Variants in PCDHGB5 observed in about 807,000 individuals in gnomAD.
PCDHGB5 encodes the protein protocadherin gamma subfamily B, 5.
In PCDHGB5, 48 loss-of-function variants were observed where a neutral mutation model predicts 62.9. The ratio of observed to expected loss-of-function variants is 0.76; its 90% CI spans 0.61 to 0.97. The LOEUF (loss-of-function observed/expected upper bound fraction) is 0.97. Ranked by LOEUF, PCDHGB5 falls within the 50% of genes least tolerant of loss-of-function variation. PCDHGB5 has a pLI of 0.00. For missense variants in PCDHGB5, 1,118 were observed against 1,198.6 expected, an observed-to-expected ratio of 0.93 and a Z score of 0.99; for synonymous variants, 474 against 511.2, an observed-to-expected ratio of 0.93 and a Z score of 0.98.
chr5:141,510,825 G>C, intron 3 of PCDHGB5, 122 bp from the exon 4 acceptor site: 2 of 1,566,486 alleles, frequency 1.3e-6, no homozygotes, highest in Non-Finnish European at 1.7e-6. Flanking sequence ...TATATTCCCA[G>C]TGCTCAGCGT....
chr5:141,447,388 T>C (rs1302757515), intron 1 of PCDHGB5, among the ~76,000 whole-genome samples: 3 of 152,166 alleles, frequency 2.0e-5, no homozygotes, highest in African/African-American at 7.2e-5. Flanking sequence ...TCTGCCCACC[T>C]CGGCCTCCCA....
At position 141,400,524 on chromosome 5, in the gene PCDHGB5, GGTGA is replaced by G. The variant is rs1307110266; in HGVS notation, c.2397+3_2397+6del. ...GCGAGTCGACTTCCCATCCTGAGTT[GGTGA>G]GTTTCATTTATGTCTATTCTTTTTC... On this transcript the variant is annotated splice_donor_variant and splice_donor_region_variant and intron_variant, in intron 1 of 3. Transcript: ENST00000617380. LOFTEE classifies it high-confidence loss of function. 2 of 1,613,920 alleles carry G rather than the reference GGTGA, an allele frequency of 1.2e-6. No individual in the cohort carries two copies. Among genetic ancestry groups the G allele is most frequent in the Admixed American group, 3.3e-5 (2 of 60,016 alleles).
In PCDHGB5 at chr5:141,421,851, T is replaced by A. The variant is rs771169063; in HGVS notation, c.2397+21327T>A. 16 of 1,613,596 alleles carry A rather than the reference T, an allele frequency of 9.9e-6. No homozygotes were observed. The Middle Eastern group carries it at 4.9e-4, about 50-fold the overall frequency. On this transcript the variant is annotated intron_variant, in intron 1 of 3. Coordinates refer to ENST00000617380, the MANE Select transcript of PCDHGB5 (RefSeq NM_018925.3). ...GCCTGGACCGAGAGAAAGAGGCTGC[T>A]CACCTGCTCCTCCTCACAGCTTTAG...
chr5:141,468,899 T>C (rs1051519139), intron 1 of PCDHGB5, among the ~76,000 whole-genome samples: 2 of 151,550 alleles, frequency 1.3e-5, no homozygotes, highest in Non-Finnish European at 2.9e-5. Flanking sequence ...GGTACTAATA[T>C]GATCCAGACT....
rs751177252 is a variant in PCDHGB5 at position 141,415,407 on chromosome 5, T to G, written c.2397+14883T>G. The G allele has an allele frequency of 1.9e-6, 3 of 1,614,086 alleles. No homozygotes were observed. The African/African-American group carries it at 4.0e-5, about 22-fold the overall frequency. ...TGACAGGTGTGTCCGGCTCGCACTTTGTGGGCGTGGACGGGGTTCGGGCTT... is the reference window on the plus strand; with the variant it reads ...TGACAGGTGTGTCCGGCTCGCACTTGGTGGGCGTGGACGGGGTTCGGGCTT... On this transcript the variant is annotated intron_variant, in intron 1 of 3. Transcript: ENST00000617380.
intron 1 of PCDHGB5, chr5:141,417,493 G>A (rs1463793261): frequency 4.7e-6 from 1 of 214,978 alleles, no homozygotes; most frequent in East Asian, 1.1e-4. Context: ...GAATCACTGA[G>A]GAAAAAGATT....
At chr5:141,423,090 G>T in intron 1 of PCDHGB5, 5 of 1,614,022 alleles carry the variant, frequency 3.1e-6, no homozygotes, top group South Asian at 2.2e-5. Context: ...TCGCGGTGGG[G>T]GAGCACACGG....
At chr5:141,506,563 C>T (rs925780739) in intron 3 of PCDHGB5, among the ~76,000 whole-genome samples, 2 of 152,062 alleles carry the variant, frequency 1.3e-5, no homozygotes, top group Non-Finnish European at 2.9e-5. Context: ...TAAACCCCCT[C>T]GGTTTCACTT....
chr5:141,455,833 G>A (rs999291826), intron 1 of PCDHGB5, among the ~76,000 whole-genome samples: 1 of 151,468 alleles, frequency 6.6e-6, no homozygotes, highest in Admixed American at 6.6e-5. Flanking sequence ...CCCTTTTCCT[G>A]TCTATCTGCA....
intron 1 of PCDHGB5, among the ~76,000 whole-genome samples, chr5:141,446,545 C>T (rs903831454): frequency 4.6e-5 from 7 of 151,914 alleles, no homozygotes; most frequent in African/African-American, 1.7e-4. Context: ...GGCCCTATCT[C>T]TGCTCACTGC....
intron 1 of PCDHGB5, among the ~76,000 whole-genome samples, chr5:141,462,877 T>G (rs1387501705): frequency 1.3e-5 from 2 of 152,240 alleles, no homozygotes; most frequent in African/African-American, 4.8e-5. Flanking sequence ...CTTTAAGAAC[T>G]ATTGCAGTTT....
At chr5:141,404,114 G>C (rs2094486353) in intron 1 of PCDHGB5, 4 of 1,613,348 alleles carry the variant, frequency 2.5e-6, no homozygotes, top group Non-Finnish European at 3.4e-6. Context: ...TTCTATCCAG[G>C]AGAATCTATC....
In PCDHGB5 at chr5:141,417,676, C is replaced by G. The variant is rs902104404; in HGVS notation, c.2397+17152C>G. The G allele has an allele frequency of 1.7e-5, 17 of 993,450 alleles. No individual in the cohort carries two copies. The African/African-American group carries it at 2.8e-4, about 16-fold the overall frequency. The allele number at this position is 993,450 out of a possible 1,614,324, so 61.5% of individuals were successfully genotyped here. ...AGCCTGGGATTCCCTGCGCAGCCAACAACAGAAAAGAAAACCAGCTCCCAC... is the reference window on the plus strand; with the variant it reads ...AGCCTGGGATTCCCTGCGCAGCCAAGAACAGAAAAGAAAACCAGCTCCCAC... On this transcript the variant is annotated intron_variant, in intron 1 of 3. Transcript: ENST00000617380.
Position 141,400,262 on chromosome 5 carries a change from G to A in PCDHGB5, c.2135G>A (p.Arg712Gln). The change falls in exon 1 of 4, where the codon CGA becomes CAA. Residue 712 changes from arginine to glutamine, a missense_variant. By Grantham distance (43) the Arg-to-Gln change is conservative. Around this residue, in one of 2 missense-constraint regions of PCDHGB5, gnomAD observed 1,034 missense variants for 1,029.1 expected, o/e 1.00. Transcript: ENST00000617380. ...AVILAVALRLRRSSSPAAWSC... is the reference protein window; with the variant it reads ...AVILAVALRLQRSSSPAAWSC... ...ATTCTGGCCGTTGCCTTGCGCCTGC[G>A]ACGCTCCTCCAGCCCTGCCGCCTGG... is the stretch of plus-strand genomic sequence containing the variant. 6.2e-7 allele frequency: 1 copy of A among 1,614,032 alleles called. No homozygotes were observed. Among genetic ancestry groups the A allele is most frequent in the Non-Finnish European group, 8.5e-7 (1 of 1,179,902 alleles).
chr5:141,423,759 G>C, intron 1 of PCDHGB5: 1 of 321,042 alleles, frequency 3.1e-6, no homozygotes, highest in Non-Finnish European at 4.5e-6. Flanking sequence ...TTGGGGGGGG[G>C]GTGGGGCGGC....
At chr5:141,409,545 A>G in intron 1 of PCDHGB5, 1 of 1,613,938 alleles carries the variant, frequency 6.2e-7, no homozygotes, top group African/African-American at 1.3e-5. Flanking sequence ...ATCAACGACA[A>G]CGCCCCAGTT....
intron 1 of PCDHGB5, chr5:141,415,909 C>T: frequency 2.6e-6 from 2 of 761,032 alleles, no homozygotes; most frequent in Non-Finnish European, 3.7e-6. Context: ...GACTTCCATA[C>T]AGAAGTGCCT....
chr5:141,435,929 G>A (rs926025053), intron 1 of PCDHGB5, among the ~76,000 whole-genome samples: 10 of 152,134 alleles, frequency 6.6e-5, no homozygotes, highest in African/African-American at 2.4e-4. Flanking sequence ...TGCGGCAGTT[G>A]CTGCTTCTGA....
At chr5:141,419,359 G>C (rs1257423360) in intron 1 of PCDHGB5, 1 of 1,613,796 alleles carries the variant, frequency 6.2e-7, no homozygotes. Flanking sequence ...AGTCACGAAC[G>C]CTGTCGTCCT....
Sources: allele counts gnomAD v4.1 joint callset (sites outside exome capture counted in the v4.1 genomes callset), GRCh38; gene constraint gnomAD v4.1.1; regional missense constraint gnomAD v4.1.1; transcripts MANE v1.5; gene names NCBI Gene and HGNC (gene_info 2026-07-23, HGNC 2026-07-21).